LRP1B: variants seen among roughly 807,000 people sequenced by gnomAD.
LRP1B encodes LDL receptor related protein 1B.
LRP1B carries 217 observed loss-of-function variants against 556.6 expected under a neutral mutation model. The observed-to-expected ratio is 0.39, with a 90% CI of 0.35 to 0.44. The LOEUF (loss-of-function observed/expected upper bound fraction) is 0.44, where lower values mean the gene tolerates loss of function less well. Among genes scored for constraint, LRP1B ranks in the 20% least tolerant of loss-of-function variants. LRP1B has a pLI of 1.00. For missense variants in LRP1B, 5,053 were observed against 5,620.8 expected (o/e 0.90, Z 3.23); for synonymous variants, 2,047 against 1,865.8 (o/e 1.10, Z -2.50).
At chr2:141,208,925 G>A (rs1260866312) in intron 6 of LRP1B, among the ~76,000 whole-genome samples, 2 of 134,346 alleles carry the variant, frequency 1.5e-5, no homozygotes, top group South Asian at 2.4e-4. Flanking sequence ...AAAAGGGATG[G>A]GAGAATCCAA....
At chr2:141,364,445 A>G (rs1344845211) in intron 3 of LRP1B, among the ~76,000 whole-genome samples, 1 of 152,124 alleles carries the variant, frequency 6.6e-6, no homozygotes, top group Non-Finnish European at 1.5e-5. Context: ...TATTTGTGAA[A>G]ACATCTCATT....
intron 89 of LRP1B, among the ~76,000 whole-genome samples, chr2:140,236,729 A>G (rs951176218): frequency 1.3e-5 from 2 of 151,012 alleles, no homozygotes; most frequent in African/African-American, 4.8e-5. Context: ...GTCCAAGGAC[A>G]CAGCTTATCT....
chr2:141,229,043 A>G, intron 6 of LRP1B, 140 bp downstream of exon 6: 1 of 784,060 alleles, frequency 1.3e-6, no homozygotes, highest in Non-Finnish European at 2.1e-6. Context: ...TGTAGTGAAT[A>G]CAGTAATTCA....
intron 54 of LRP1B, among the ~76,000 whole-genome samples, chr2:140,502,346 T>C (rs939591794): frequency 6.6e-6 from 1 of 151,986 alleles, no homozygotes; most frequent in Non-Finnish European, 1.5e-5. Context: ...CAGATATCAG[T>C]GGTGAATAAT....
intron 1 of LRP1B, among the ~76,000 whole-genome samples, chr2:141,835,002 T>C (rs551858613): frequency 1.1e-4 from 16 of 152,050 alleles, no homozygotes; most frequent in Non-Finnish European, 1.6e-4. Flanking sequence ...TAAAGATCAA[T>C]TGATATTGTA....
At chr2:140,982,695 A>G (rs1018732274) in intron 17 of LRP1B, among the ~76,000 whole-genome samples, 1 of 152,180 alleles carries the variant, frequency 6.6e-6, no homozygotes, top group East Asian at 1.9e-4. Flanking sequence ...TGTAGAAGGC[A>G]TTATTTGGAG....
chr2:141,145,929 T>C (rs1701774471), intron 7 of LRP1B, among the ~76,000 whole-genome samples: 1 of 139,410 alleles, frequency 7.2e-6, no homozygotes, highest in Non-Finnish European at 1.6e-5. Flanking sequence ...TTTCTTTTTT[T>C]TTTTTTTTTT....
chr2:140,332,120 CT>C (rs1440450294), intron 79 of LRP1B, among the ~76,000 whole-genome samples: 3 of 152,052 alleles, frequency 2.0e-5, no homozygotes, highest in Non-Finnish European at 4.4e-5. Flanking sequence ...CAATGAAGAG[CT>C]TTTTAAAAAT....
At chr2:140,838,644 C>G (rs1691997774) in intron 31 of LRP1B, among the ~76,000 whole-genome samples, 1 of 151,936 alleles carries the variant, frequency 6.6e-6, no homozygotes, top group Non-Finnish European at 1.5e-5. Flanking sequence ...TGATTCTTTT[C>G]CCAGATTCAA....
In LRP1B at chr2:141,605,878, C is replaced by A. The variant is rs573293994; in HGVS notation, c.206-125345G>T. Among the ~76,000 whole-genome samples, 8 of 152,048 alleles carry A rather than the reference C, an allele frequency of 5.3e-5. No homozygotes were observed. In the South Asian group the frequency reaches 1.0e-3, roughly 20 times the overall value. The stretch of plus-strand genomic sequence containing the variant: ...ATGTTTTTCTTTCCGTCTTTCTCTC[C>A]TTTAAGCCATTCTATCATTCAGCTG... On this transcript the variant is annotated intron_variant, in intron 2 of 90. Coordinates refer to ENST00000389484, the MANE Select transcript of LRP1B (RefSeq NM_018557.3).
chr2:140,675,399 A>G (rs1263491817), intron 41 of LRP1B, among the ~76,000 whole-genome samples: 2 of 152,228 alleles, frequency 1.3e-5, no homozygotes. Context: ...CAAAAAGAAT[A>G]AGTGAATAAT....
chr2:141,896,689 T>C (rs1175733718), intron 1 of LRP1B, among the ~76,000 whole-genome samples: 3 of 152,306 alleles, frequency 2.0e-5, no homozygotes, highest in South Asian at 4.1e-4. Context: ...TTTAATGTAA[T>C]ATATTTAGAT....
At chr2:141,992,824 G>T (rs1702385028) in intron 1 of LRP1B, among the ~76,000 whole-genome samples, 1 of 152,002 alleles carries the variant, frequency 6.6e-6, no homozygotes, top group African/African-American at 2.4e-5. Flanking sequence ...AGTGCTCAGG[G>T]CTCCATAGAT....
chr2:140,758,863 A>T (rs1329956939), intron 35 of LRP1B, among the ~76,000 whole-genome samples: 1 of 152,102 alleles, frequency 6.6e-6, no homozygotes, highest in Non-Finnish European at 1.5e-5. Flanking sequence ...TTTATTCTCT[A>T]TTAATGAGAA....
At chr2:141,800,045 T>C (rs1695958346) in intron 2 of LRP1B, among the ~76,000 whole-genome samples, 1 of 152,194 alleles carries the variant, frequency 6.6e-6, no homozygotes, top group Non-Finnish European at 1.5e-5. Context: ...ACTACATCTC[T>C]CTTTCGTCTT....
rs545361936 is a variant in LRP1B, at chr2:140,632,844, A to T, written c.6800-31205T>A. Among the ~76,000 whole-genome samples the T allele has an allele frequency of 2.6e-5, 4 of 152,220 alleles. No individual in the cohort carries two copies. In the East Asian group the frequency reaches 5.8e-4, roughly 22 times the overall value. ...TTTGGGAGGCTGAGGCGCGTGGGTCACGAGGTCAGGAGATCGAGACCATCC... is the reference window on the plus strand; with the variant it reads ...TTTGGGAGGCTGAGGCGCGTGGGTCTCGAGGTCAGGAGATCGAGACCATCC... On this transcript the variant is annotated intron_variant, in intron 41 of 90. Coordinates refer to ENST00000389484, the MANE Select transcript of LRP1B (RefSeq NM_018557.3).
At chr2:141,193,130 G>A (rs1047909449) in intron 6 of LRP1B, among the ~76,000 whole-genome samples, 18 of 151,974 alleles carry the variant, frequency 1.2e-4, no homozygotes, top group Non-Finnish European at 8.8e-5. Flanking sequence ...ACACATTGTC[G>A]ATGGGATCGT....
rs575469663 is a variant in LRP1B at position 141,505,065 on chromosome 2, CTTTG to C, written c.206-24536_206-24533del. On this transcript the variant is annotated intron_variant, in intron 2 of 90. Coordinates refer to ENST00000389484, the MANE Select transcript of LRP1B (RefSeq NM_018557.3). ...ATTTTGAATAATACATTTATTATTG[CTTTG>C]TTTGAGAAGAATAAATCCCTCCTCT... is the stretch of plus-strand genomic sequence containing the variant. Among the ~76,000 whole-genome samples the C allele has an allele frequency of 2.1e-3, 312 of 151,566 alleles. 2 individuals are homozygous for C. Among genetic ancestry groups the C allele is most frequent in the Non-Finnish European group, 3.8e-3 (259 of 67,802 alleles).
chr2:141,849,388 T>G (rs1006960261), intron 1 of LRP1B, among the ~76,000 whole-genome samples: 1 of 150,646 alleles, frequency 6.6e-6, no homozygotes, highest in Non-Finnish European at 1.5e-5. Flanking sequence ...GTTTTTCACA[T>G]CTTAATTATG....
Sources: allele counts gnomAD v4.1 joint callset (sites outside exome capture counted in the v4.1 genomes callset), GRCh38; gene constraint gnomAD v4.1.1; transcripts MANE v1.5; gene names NCBI Gene and HGNC (gene_info 2026-07-23, HGNC 2026-07-21).